The following ZBTB43 variants were observed in gnomAD, a reference collection of about 807,000 sequenced individuals.
ZBTB43 encodes zinc finger and BTB domain containing 43.
In ZBTB43, 6 loss-of-function variants were observed where a neutral mutation model predicts 31.1. The observed-to-expected ratio is 0.19, with a 90% CI of 0.11 to 0.38. The LOEUF is 0.38. ZBTB43 is among the 10% of genes least tolerant of loss of function. The probability of loss-of-function intolerance (pLI) is 1.00; values close to 1 mark genes in which losing one functional copy is unlikely to be tolerated. For synonymous variants in ZBTB43, 212 were observed against 221.7 expected (o/e 0.96, Z 0.39); for missense variants, 379 against 602.1 (o/e 0.63, Z 3.88).
Position 126,824,367 on chromosome 9 carries a change from C to T in ZBTB43, c.-23-8120C>T, listed in dbSNP as rs1309807729. ...TACATAAGTAGTTAACCTTTACCAGCGGTCTTTGCTTTTTTATGTGGCTTT... is the reference window on the plus strand; with the variant it reads ...TACATAAGTAGTTAACCTTTACCAGTGGTCTTTGCTTTTTTATGTGGCTTT... On this transcript the variant is annotated intron_variant, in intron 2 of 2. Transcript: ENST00000373464. Among the ~76,000 whole-genome samples, 5 of 152,268 alleles carry T rather than the reference C, an allele frequency of 3.3e-5. No individual in the cohort carries two copies. The East Asian group carries it at 5.8e-4, about 18-fold the overall frequency.
At chr9:126,828,629 A>AAATAAT (rs369536989) in intron 2 of ZBTB43, among the ~76,000 whole-genome samples, 15 of 141,108 alleles carry the variant, frequency 1.1e-4, no homozygotes, top group African/African-American at 2.4e-4. Context: ...CCCCATCTCT[A>AAATAAT]AATAATAATA....
chr9:126,811,854 G>A (rs931375920), intron 2 of ZBTB43, among the ~76,000 whole-genome samples: 8 of 152,140 alleles, frequency 5.3e-5, no homozygotes, highest in African/African-American at 1.2e-4. Context: ...TCGAACTCCC[G>A]ACCTTGTGAT....
chr9:126,831,678 C>G (rs2032766235), intron 2 of ZBTB43: 1 of 151,916 alleles, frequency 6.6e-6, no homozygotes, highest in African/African-American at 2.4e-5. Flanking sequence ...GGGCAGCTGG[C>G]GTGGTGGCTC....
At chr9:126,823,036 TATG>T (rs764185525) in intron 2 of ZBTB43, among the ~76,000 whole-genome samples, 44 of 152,322 alleles carry the variant, frequency 2.9e-4, no homozygotes, top group Admixed American at 5.9e-4. Context: ...CTCACTTTAT[TATG>T]GTGTTTATTT....
Position 126,805,073 on chromosome 9 carries a change from C to T in ZBTB43, c.-206C>T, listed in dbSNP as rs1023608236. The stretch of plus-strand genomic sequence containing the variant: ...TGCGGCAGCTGAGGCTACAACAGGC[C>T]TGCGCCGGCGGCAGAGAGGATATCT... On this transcript the variant is annotated 5_prime_UTR_variant, in exon 1 of 3. Transcript: ENST00000373464. 1 of 152,528 alleles carries T rather than the reference C, an allele frequency of 6.6e-6. No individual in the cohort carries two copies. The highest frequency in any genetic ancestry group is 1.5e-5 in the Non-Finnish European group (1 of 68,286). The allele number at this position is 152,528 out of a possible 1,614,324, so 9.4% of individuals were successfully genotyped here. A position where few individuals can be genotyped will look rare whatever the true frequency, so the allele number is the denominator to read the frequency against.
chr9:126,825,411 A>C lies in ZBTB43; in HGVS notation c.-23-7076A>C, dbSNP rs149965287. Among the ~76,000 whole-genome samples, 516 of 152,288 alleles carry C rather than the reference A, an allele frequency of 3.4e-3. 3 individuals are homozygous for C. Among genetic ancestry groups the C allele is most frequent in the Non-Finnish European group, 5.7e-3 (391 of 68,018 alleles). ...AGTTTGGCAGAGCTACCGTAACAAA[A>C]TACTACAGGCTGGGTGGCTTAAACA... is the stretch of plus-strand genomic sequence containing the variant. On this transcript the variant is annotated intron_variant, in intron 2 of 2. Transcript: ENST00000373464.
intron 1 of ZBTB43, among the ~76,000 whole-genome samples, chr9:126,808,582 T>C (rs979648107): frequency 6.6e-6 from 1 of 152,222 alleles, no homozygotes; most frequent in Non-Finnish European, 1.5e-5. Context: ...TCAGTTTTTT[T>C]GAAAATTTAA....
rs2032305524 is a variant in ZBTB43 at position 126,813,971 on chromosome 9, A to G, written c.-24+5056A>G. Among the ~76,000 whole-genome samples the G allele has an allele frequency of 3.3e-5, 5 of 152,248 alleles. 1 individual carries two copies. The South Asian group carries it at 1.0e-3, about 32-fold the overall frequency. Reference sequence around the variant, plus strand: ...TTATTGATGTTCTCTGTAGCCACGTATATTATCATTTTTGTAAATGTCCTA... The same window carrying G: ...TTATTGATGTTCTCTGTAGCCACGTGTATTATCATTTTTGTAAATGTCCTA... On this transcript the variant is annotated intron_variant, in intron 2 of 2. Transcript: ENST00000373464.
chr9:126,818,334 G>A (rs1306265935), intron 2 of ZBTB43, among the ~76,000 whole-genome samples: 1 of 151,602 alleles, frequency 6.6e-6, no homozygotes, highest in Non-Finnish European at 1.5e-5. Flanking sequence ...AGGTCTTGCT[G>A]TGTCGTCCAG....
intron 2 of ZBTB43, among the ~76,000 whole-genome samples, chr9:126,830,845 G>T (rs576849723): frequency 6.6e-6 from 1 of 151,668 alleles, no homozygotes; most frequent in African/African-American, 2.4e-5. Flanking sequence ...TGTTTCTAAT[G>T]CTTGACTTAC....
At chr9:126,828,642 AATAATAATAATAATT>A (rs2032698902) in intron 2 of ZBTB43, among the ~76,000 whole-genome samples, 1 of 126,624 alleles carries the variant, frequency 7.9e-6, no homozygotes, top group South Asian at 2.2e-4. Flanking sequence ...TAATAATAAT[AATAATAATAATAATT>A]ATTATTATTA....
chr9:126,809,060 A>G (rs976024663), intron 2 of ZBTB43, 145 bp downstream of exon 2: 1 of 152,240 alleles, frequency 6.6e-6, no homozygotes, highest in African/African-American at 2.4e-5. Flanking sequence ...AAGAGATGTT[A>G]CACCTTCTAA....
intron 2 of ZBTB43, among the ~76,000 whole-genome samples, chr9:126,819,724 T>A (rs1463643686): frequency 6.6e-6 from 1 of 152,090 alleles, no homozygotes; most frequent in African/African-American, 2.4e-5. Context: ...AAGCTAGAAA[T>A]GACTAAGCTT....
At chr9:126,813,105 C>T (rs531456184) in intron 2 of ZBTB43, among the ~76,000 whole-genome samples, 7 of 151,970 alleles carry the variant, frequency 4.6e-5, no homozygotes, top group Non-Finnish European at 5.9e-5. Context: ...CTCAGCCTCC[C>T]GAATAGCTGG....
chr9:126,815,348 A>G (rs190282838), intron 2 of ZBTB43, among the ~76,000 whole-genome samples: 6 of 145,384 alleles, frequency 4.1e-5, no homozygotes, highest in South Asian at 2.1e-4. Flanking sequence ...ATAGTTTTCA[A>G]TATATAAAAA....
chr9:126,813,260 G>A (rs1210945456), intron 2 of ZBTB43, among the ~76,000 whole-genome samples: 1 of 152,114 alleles, frequency 6.6e-6, no homozygotes, highest in East Asian at 1.9e-4. Context: ...GATAAAAGAC[G>A]TGAGCCACCA....
intron 2 of ZBTB43, among the ~76,000 whole-genome samples, chr9:126,829,916 A>G (rs904024488): frequency 2.6e-5 from 4 of 152,208 alleles, no homozygotes; most frequent in South Asian, 4.1e-4. Flanking sequence ...CATTTATTTC[A>G]TGATCTATTT....
rs76658893 is a variant in ZBTB43 at position 126,827,674 on chromosome 9, T to G, written c.-23-4813T>G. ...CATAACCTCCCTTGTGGCATTTATT[T>G]TTTTAGAACTGATTTTAAATGTATT... On this transcript the variant is annotated intron_variant, in intron 2 of 2. Transcript: ENST00000373464. Among the ~76,000 whole-genome samples, 216 of 152,350 alleles carry G rather than the reference T, an allele frequency of 1.4e-3. 2 individuals are homozygous for G. Among genetic ancestry groups the G allele is most frequent in the African/African-American group, 4.5e-3 (185 of 41,572 alleles).
At chr9:126,821,369 CTG>C (rs2032505009) in intron 2 of ZBTB43, among the ~76,000 whole-genome samples, 1 of 151,758 alleles carries the variant, frequency 6.6e-6, no homozygotes, top group South Asian at 2.1e-4. Context: ...GAGCAAGACT[CTG>C]TCTTTAAAAA....
Sources: gnomAD v4.1 joint callset for allele counts (sites outside exome capture counted in the v4.1 genomes callset) on GRCh38, gnomAD v4.1.1 for gene constraint, MANE v1.5 for transcripts, NCBI Gene and HGNC (gene_info 2026-07-23, HGNC 2026-07-21) for gene names.